Variants in ERICH6B observed in about 807,000 individuals in gnomAD.
ERICH6B encodes the protein glutamate rich 6B, also known as glutamate-rich protein 6B.
ERICH6B carries 69 observed loss-of-function variants against 80.0 expected under a neutral mutation model. That is an observed-to-expected ratio of 0.86 (90% CI 0.71 to 1.05). The LOEUF (loss-of-function observed/expected upper bound fraction) is 1.05, where lower values mean the gene tolerates loss of function less well. Among genes scored for constraint, ERICH6B ranks in the 50% least tolerant of loss-of-function variants. The pLI is 0.00. For synonymous variants in ERICH6B, 283 were observed against 291.9 expected (o/e 0.97, Z 0.31); for missense variants, 754 against 796.1 (o/e 0.95, Z 0.64).
At chr13:45,546,602 G>A (rs1874002020) in intron 13 of ERICH6B, among the ~76,000 whole-genome samples, 1 of 152,146 alleles carries the variant, frequency 6.6e-6, no homozygotes, top group Non-Finnish European at 1.5e-5. Flanking sequence ...GTAGGCCCCA[G>A]GTCTGGGAGG....
chr13:45,574,812 G>C (rs557182075), intron 8 of ERICH6B, 30 bp downstream of exon 8: 93 of 1,504,280 alleles, frequency 6.2e-5, no homozygotes, highest in Middle Eastern at 1.7e-4. Context: ...GGAAGCTGGG[G>C]GGGGGGTCTC....
At position 45,580,666 on chromosome 13, in the gene ERICH6B, C is replaced by G; in HGVS notation, c.857-1G>C. 6.4e-7 allele frequency: 1 copy of G among 1,551,604 alleles called. No individual in the cohort carries two copies. The highest frequency in any genetic ancestry group is 8.7e-7 in the Non-Finnish European group (1 of 1,146,964). On this transcript the variant is annotated splice_acceptor_variant, in intron 5 of 14. Transcript: ENST00000298738. LOFTEE classifies it high-confidence loss of function. ...TCTGATTTCGATTTTAAAGATTTTA[C>G]TGTTAAAAGGCAGAAGAGGGTGGCT...
intron 11 of ERICH6B, among the ~76,000 whole-genome samples, chr13:45,560,676 G>A (rs1874634013): frequency 6.6e-6 from 1 of 152,076 alleles, no homozygotes; most frequent in African/African-American, 2.4e-5. Flanking sequence ...CCATAGCTTT[G>A]TCTTTTCCAG....
chr13:45,583,706 G>A (rs900582491), intron 5 of ERICH6B, among the ~76,000 whole-genome samples: 1 of 152,176 alleles, frequency 6.6e-6, no homozygotes, highest in African/African-American at 2.4e-5. Context: ...TCATGGACCT[G>A]ATGGTTTTAT....
At chr13:45,583,496 G>T (rs1875759577) in intron 5 of ERICH6B, among the ~76,000 whole-genome samples, 1 of 152,160 alleles carries the variant, frequency 6.6e-6, no homozygotes, top group African/African-American at 2.4e-5. Context: ...TGAGTCCACT[G>T]AAGGAAGCAC....
At position 45,541,492 on chromosome 13, in the gene ERICH6B, C is replaced by T; in HGVS notation, c.2061G>A (p.Leu687=). 2 of 1,552,116 alleles carry T rather than the reference C, an allele frequency of 1.3e-6. No individual in the cohort carries two copies. The highest frequency in any genetic ancestry group is 8.7e-7 in the Non-Finnish European group (1 of 1,147,078). Residue 687 remains leucine (L), a synonymous_variant, in exon 15 of 15, where the codon CTG becomes CTA. Coordinates refer to ENST00000298738, the MANE Select transcript of ERICH6B (RefSeq NM_182542.3). ...VSISLMDNKY[L]KKMLSKLWF is the part of the protein sequence containing the mutation. Reference sequence around the variant, plus strand: ...ACCAGAGTTTAGAGAGCATCTTCTTCAGGTACTTGTTGTCCATCAGTGATA... The same window carrying T: ...ACCAGAGTTTAGAGAGCATCTTCTTTAGGTACTTGTTGTCCATCAGTGATA...
At chr13:45,573,036 T>C (rs1875240586) in intron 8 of ERICH6B, among the ~76,000 whole-genome samples, 1 of 152,146 alleles carries the variant, frequency 6.6e-6, no homozygotes, top group Admixed American at 6.5e-5. Flanking sequence ...AATTTGTCAG[T>C]GCTTTTTGAG....
At chr13:45,548,046 A>G (rs1874059991) in intron 13 of ERICH6B, among the ~76,000 whole-genome samples, 1 of 152,172 alleles carries the variant, frequency 6.6e-6, no homozygotes, top group Non-Finnish European at 1.5e-5. Context: ...AGGGACCCTG[A>G]GTTTGGGCAG....
intron 1 of ERICH6B, among the ~76,000 whole-genome samples, chr13:45,610,350 C>G (rs1374482336): frequency 6.6e-6 from 1 of 152,144 alleles, no homozygotes; most frequent in Non-Finnish European, 1.5e-5. Context: ...AACCAATCAG[C>G]AGCAATAACC....
At chr13:45,569,777 G>T (rs1875074353) in intron 8 of ERICH6B, among the ~76,000 whole-genome samples, 2 of 152,172 alleles carry the variant, frequency 1.3e-5, no homozygotes, top group Non-Finnish European at 2.9e-5. Flanking sequence ...GAGAAAGCTG[G>T]GGTGCTTTAG....
At chr13:45,595,229 A>G (rs1023155612) in intron 3 of ERICH6B, among the ~76,000 whole-genome samples, 5 of 152,240 alleles carry the variant, frequency 3.3e-5, no homozygotes, top group Non-Finnish European at 7.3e-5. Flanking sequence ...CCAAAATGCC[A>G]TTTTTAAAAA....
chr13:45,562,284 C>T (rs924628363), intron 10 of ERICH6B, among the ~76,000 whole-genome samples: 6 of 152,184 alleles, frequency 3.9e-5, no homozygotes, highest in Non-Finnish European at 8.8e-5. Context: ...AGGATTATCC[C>T]GTCTCAGCTG....
At chr13:45,594,658 A>T (rs886909655) in intron 3 of ERICH6B, among the ~76,000 whole-genome samples, 50 of 152,226 alleles carry the variant, frequency 3.3e-4, no homozygotes, top group Non-Finnish European at 4.4e-5. Context: ...ATCTGATTTG[A>T]TGGAGAGGGA....
intron 8 of ERICH6B, among the ~76,000 whole-genome samples, chr13:45,572,147 C>G (rs1250880071): frequency 1.3e-5 from 2 of 152,212 alleles, no homozygotes; most frequent in Non-Finnish European, 2.9e-5. Context: ...AAACTTAACA[C>G]TCAGTGTGTA....
intron 11 of ERICH6B, among the ~76,000 whole-genome samples, chr13:45,559,255 C>T (rs191014462): frequency 5.9e-5 from 9 of 152,064 alleles, no homozygotes; most frequent in East Asian, 1.9e-4. Context: ...TAATATCTCC[C>T]GTTTTGTTTC....
chr13:45,599,072 C>T (rs1949808035), intron 2 of ERICH6B, among the ~76,000 whole-genome samples: 1 of 152,222 alleles, frequency 6.6e-6, no homozygotes, highest in Non-Finnish European at 1.5e-5. Context: ...TTTTGTATCT[C>T]AACAGTTGCA....
At position 45,596,637 on chromosome 13, in the gene ERICH6B, C is replaced by G. The variant is rs1238891641; in HGVS notation, c.369G>C (p.Glu123Asp). 1.9e-6 allele frequency: 3 copies of G among 1,550,370 alleles called. No individual in the cohort carries two copies. The highest frequency in any genetic ancestry group is 2.4e-5 in the South Asian group (2 of 83,926). The change falls in exon 3 of 15, where the codon GAG becomes GAC. Residue 123 changes from glutamate to aspartate, a missense_variant. Coordinates refer to ENST00000298738, the MANE Select transcript of ERICH6B (RefSeq NM_182542.3). ...EEYLGKEGYLEEEEYLGKEEH... is the reference protein window; with the variant it reads ...EEYLGKEGYLDEEEYLGKEEH... ...CTTCCTTCCCCAGGTACTCTTCCTC[C>G]TCCAGATACCCTTCCTTCCCCAGAT... is the stretch of plus-strand genomic sequence containing the variant.
At chr13:45,577,141 C>T (rs1875439997) in intron 7 of ERICH6B, among the ~76,000 whole-genome samples, 1 of 152,072 alleles carries the variant, frequency 6.6e-6, no homozygotes. Context: ...TGCACCCCAG[C>T]TCCTTATCTG....
At chr13:45,577,276 C>CTTTTTTTTTTTTTTTTTTTTTTT (rs34244794) in intron 7 of ERICH6B, among the ~76,000 whole-genome samples, 24 of 86,086 alleles carry the variant, frequency 2.8e-4, no homozygotes, top group East Asian at 9.6e-4. Flanking sequence ...AAAAACAAAT[C>CTTTTTTTTTTTTTTTTTTTTTTT]TTTTTTTTTT....
Sources: allele counts gnomAD v4.1 joint callset (sites outside exome capture counted in the v4.1 genomes callset), GRCh38; gene constraint gnomAD v4.1.1; transcripts MANE v1.5; gene names NCBI Gene and HGNC (gene_info 2026-07-23, HGNC 2026-07-21).